MECOM: variants seen among roughly 807,000 people sequenced by gnomAD.
The protein encoded by MECOM is histone-lysine N-methyltransferase MECOM.
A neutral mutation model predicts 116.3 loss-of-function variants in MECOM; 13 were observed. The ratio of observed to expected loss-of-function variants is 0.11; its 90% CI spans 0.07 to 0.18. MECOM has a LOEUF of 0.18. Ranked by LOEUF, MECOM falls within the 10% of genes least tolerant of loss-of-function variation. MECOM has a pLI of 1.00. For synonymous variants in MECOM, 528 were observed against 535.2 expected, an observed-to-expected ratio of 0.99 and a Z score of 0.19; for missense variants, 1,299 against 1,509.0, an observed-to-expected ratio of 0.86 and a Z score of 2.31.
chr3:169,425,936 T>C (rs755590113), intron 1 of MECOM, among the ~76,000 whole-genome samples: 122 of 152,250 alleles, frequency 8.0e-4, no homozygotes, highest in Admixed American at 1.2e-3. Flanking sequence ...ACAGGATCTA[T>C]ACAGAAGGAA....
chr3:169,197,008 C>T (rs533363225), intron 2 of MECOM, among the ~76,000 whole-genome samples: 1 of 152,100 alleles, frequency 6.6e-6, no homozygotes, highest in African/African-American at 2.4e-5. Context: ...ATAATGTCTT[C>T]TGCAGCAACA....
intron 2 of MECOM, among the ~76,000 whole-genome samples, chr3:169,331,592 T>TA (rs754406540): frequency 1.4e-4 from 22 of 152,252 alleles, no homozygotes; most frequent in Non-Finnish European, 3.2e-4. Flanking sequence ...ATAAGTGTCA[T>TA]AACACACTGG....
chr3:169,436,955 C>G (rs932105355), intron 1 of MECOM, among the ~76,000 whole-genome samples: 1 of 151,998 alleles, frequency 6.6e-6, no homozygotes, highest in Non-Finnish European at 1.5e-5. Flanking sequence ...GGGTAATTTT[C>G]TTTCTGGAAT....
At chr3:169,309,763 G>A (rs571215062) in intron 2 of MECOM, among the ~76,000 whole-genome samples, 1 of 151,524 alleles carries the variant, frequency 6.6e-6, no homozygotes, top group East Asian at 2.0e-4. Context: ...TCAGGAACTT[G>A]AGTCTTGCTT....
At chr3:169,317,062 A>G (rs16853503) in intron 2 of MECOM, among the ~76,000 whole-genome samples, 52,847 of 152,034 alleles carry the variant, frequency 0.35, 9,511 homozygotes, top group Admixed American at 0.48. Context: ...CCTTACAAAG[A>G]GTTTATTCAA....
At chr3:169,467,890 C>A (rs147936405) in intron 1 of MECOM, among the ~76,000 whole-genome samples, 1 of 152,132 alleles carries the variant, frequency 6.6e-6, no homozygotes, top group Non-Finnish European at 1.5e-5. Context: ...GCTTTCATCA[C>A]CATGGAATAG....
intron 1 of MECOM, among the ~76,000 whole-genome samples, chr3:169,605,965 C>G (rs1478479209): frequency 6.6e-6 from 1 of 151,978 alleles, no homozygotes; most frequent in Non-Finnish European, 1.5e-5. Flanking sequence ...TGTAAAGAAA[C>G]CAGAACCTGA....
At chr3:169,102,639 G>A (rs2111082) in intron 10 of MECOM, among the ~76,000 whole-genome samples, 13,193 of 152,108 alleles carry the variant, frequency 0.087, 759 homozygotes, top group South Asian at 0.27. Flanking sequence ...AATGAAAACC[G>A]TAAGAACCAT....
intron 2 of MECOM, among the ~76,000 whole-genome samples, chr3:169,324,029 C>A (rs775291836): frequency 3.3e-5 from 5 of 152,166 alleles, no homozygotes; most frequent in Non-Finnish European, 5.9e-5. Context: ...CAAAAGGACA[C>A]AGGGAAGTAT....
At chr3:169,464,026 G>A (rs2108751430) in intron 1 of MECOM, 1 of 152,178 alleles carries the variant, frequency 6.6e-6, no homozygotes, top group Non-Finnish European at 1.5e-5. Context: ...CCACAGAGTG[G>A]AAACCAGGCA....
At chr3:169,652,989 A>G (rs1775099859) in intron 1 of MECOM, among the ~76,000 whole-genome samples, 1 of 152,196 alleles carries the variant, frequency 6.6e-6, no homozygotes, top group Admixed American at 6.6e-5. Context: ...GGTCTAGTAC[A>G]GAGTTTAAGA....
chr3:169,293,043 T>C (rs1714894818), intron 2 of MECOM, among the ~76,000 whole-genome samples: 1 of 152,124 alleles, frequency 6.6e-6, no homozygotes, highest in Non-Finnish European at 1.5e-5. Flanking sequence ...GGCCATCTTA[T>C]AACTAATAAT....
At chr3:169,431,747 C>T (rs903104463) in intron 1 of MECOM, among the ~76,000 whole-genome samples, 4 of 152,156 alleles carry the variant, frequency 2.6e-5, no homozygotes, top group African/African-American at 7.2e-5. Context: ...TTGGGGTTCT[C>T]AATTCAGTAG....
intron 1 of MECOM, among the ~76,000 whole-genome samples, chr3:169,392,524 G>A (rs565116203): frequency 2.5e-4 from 38 of 152,216 alleles, no homozygotes; most frequent in African/African-American, 6.5e-4. Flanking sequence ...TAAATACCAC[G>A]TTGTGCCTGG....
intron 2 of MECOM, among the ~76,000 whole-genome samples, chr3:169,349,793 G>A (rs368300495): frequency 9.9e-5 from 15 of 151,768 alleles, no homozygotes; most frequent in African/African-American, 3.6e-4. Context: ...AGTCTCTGTG[G>A]GCCAATGAAT....
At chr3:169,582,669 T>C (rs2109550066) in intron 1 of MECOM, among the ~76,000 whole-genome samples, 1 of 152,294 alleles carries the variant, frequency 6.6e-6, no homozygotes, top group Non-Finnish European at 1.5e-5. Context: ...CCTGCCAAAG[T>C]TCCTGATGTT....
intron 1 of MECOM, among the ~76,000 whole-genome samples, chr3:169,506,425 T>C (rs1755224746): frequency 6.6e-6 from 1 of 152,028 alleles, no homozygotes; most frequent in Admixed American, 6.5e-5. Context: ...TCCTCTTGAC[T>C]TCATCATTCT....
At chr3:169,212,208 G>A (rs367788256) in intron 2 of MECOM, among the ~76,000 whole-genome samples, 16 of 151,888 alleles carry the variant, frequency 1.1e-4, no homozygotes, top group African/African-American at 3.1e-4. Context: ...CAAAATGATC[G>A]CTTAATGCAG....
At position 169,595,893 on chromosome 3, in the gene MECOM, GA is replaced by G. The variant is rs148700177; in HGVS notation, c.37+67442del. ...TTTAAATAACTTTTGGCACATTGAA[GA>G]AAAAACATCAAATCCAAATACAAAA... On this transcript the variant is annotated intron_variant, in intron 1 of 16. Coordinates refer to ENST00000651503, the MANE Select transcript of MECOM (RefSeq NM_004991.4). 0.016 allele frequency among the ~76,000 whole-genome samples: 2,495 copies of G among 151,534 alleles called. 232 individuals carry two copies. In the East Asian group the frequency reaches 0.29, roughly 18 times the overall value.
Sources: gnomAD v4.1 joint callset for allele counts (sites outside exome capture counted in the v4.1 genomes callset) on GRCh38, gnomAD v4.1.1 for gene constraint, MANE v1.5 for transcripts, NCBI Gene and HGNC (gene_info 2026-07-23, HGNC 2026-07-21) for gene names.